The following TCN2 variants were observed in gnomAD, a reference collection of about 807,000 sequenced individuals.
The protein encoded by TCN2 is transcobalamin 2, also known as transcobalamin-2.
In TCN2, 34 loss-of-function variants were observed where a neutral mutation model predicts 48.6. The observed-to-expected ratio is 0.70, with a 90% confidence interval of 0.53 to 0.93. The LOEUF is 0.93. Ranked by LOEUF, TCN2 falls within the 40% of genes least tolerant of loss-of-function variation. The probability of loss-of-function intolerance (pLI) is 0.00; values close to 1 mark genes in which losing one functional copy is unlikely to be tolerated. For missense variants in TCN2, 652 were observed against 526.1 expected (o/e 1.24, Z -2.34); for synonymous variants, 283 against 212.5 (o/e 1.33, Z -2.89).
chr22:30,626,064 G>A (rs2087804136), intron 8 of TCN2, among the ~76,000 whole-genome samples: 1 of 152,266 alleles, frequency 6.6e-6, no homozygotes, highest in South Asian at 2.1e-4. Flanking sequence ...AGTAATGAAT[G>A]ACAGAGCTGG....
At position 30,618,893 on chromosome 22, in the gene TCN2, C is replaced by T. The variant is rs190242709; in HGVS notation, c.1106+1398C>T. Among the ~76,000 whole-genome samples, 184 of 152,228 alleles carry T rather than the reference C, an allele frequency of 1.2e-3. 1 individual carries two copies. The highest frequency in any genetic ancestry group is 4.0e-3 in the African/African-American group (166 of 41,550). ...CAAGCGATTCTCCTTCCTCAGTCTC[C>T]CGAGTAGCTGGGACTATGGGCATGC... is the stretch of plus-strand genomic sequence containing the variant. On this transcript the variant is annotated intron_variant, in intron 7 of 8. Coordinates refer to ENST00000215838, the MANE Select transcript of TCN2 (RefSeq NM_000355.4).
rs1555896274 is a variant in TCN2 at position 30,623,921 on chromosome 22, T to TATGTATACATATATACACACACAC, written c.1222+840_1222+841insGTATACATATATACACACACACAT. 5.0e-3 allele frequency among the ~76,000 whole-genome samples: 117 copies of TATGTATACATATATACACACACAC among 23,360 alleles called. 35 individuals carry two copies. Among genetic ancestry groups the TATGTATACATATATACACACACAC allele is most frequent in the Middle Eastern group, 0.029 (2 of 70 alleles). 15.3% of individuals were successfully genotyped at this position (23,360 alleles called of 152,430 possible). ...ATGTATACATATATATACACACATATATATGTATACATATATACACACACA... is the reference window on the plus strand; with the variant it reads ...ATGTATACATATATATACACACATATATGTATACATATATACACACACACATATGTATACATATATACACACACA... On this transcript the variant is annotated intron_variant, in intron 8 of 8. Transcript: ENST00000215838.
In TCN2 at chr22:30,615,350, C is replaced by T. The variant is rs1178324711; in HGVS notation, c.630C>T (p.Asn210=). ...CATTCACCTGTCTGAAGCGCTCAAACTTCAACCCTGGTCGGAGACAACGGA... is the reference window on the plus strand; with the variant it reads ...CATTCACCTGTCTGAAGCGCTCAAATTTCAACCCTGGTCGGAGACAACGGA... ...GLAFTCLKRS[N]FNPGRRQRIT... Residue 210 remains asparagine (N), a synonymous_variant, in exon 5 of 9, where the codon AAC becomes AAT. Coordinates refer to ENST00000215838, the MANE Select transcript of TCN2 (RefSeq NM_000355.4). 5 of 1,614,212 alleles carry T rather than the reference C, an allele frequency of 3.1e-6. No individual in the cohort carries two copies. Among genetic ancestry groups the T allele is most frequent in the East Asian group, 2.2e-5 (1 of 44,876 alleles).
chr22:30,617,687 C>CTG, intron 7 of TCN2, 192 bp downstream of exon 7: 1 of 748,972 alleles, frequency 1.3e-6, no homozygotes, highest in South Asian at 1.7e-5. Context: ...AGCATTGTCA[C>CTG]TGAGAGAGCA....
intron 3 of TCN2, 58 bp from the exon 4 acceptor site, chr22:30,614,291 C>G: frequency 2.5e-6 from 4 of 1,591,520 alleles, no homozygotes; most frequent in Non-Finnish European, 3.4e-6. Context: ...CAGGTGCTGG[C>G]GGGGCTGGCT....
At position 30,620,180 on chromosome 22, in the gene TCN2, G is replaced by A. The variant is rs556233577; in HGVS notation, c.1106+2685G>A. On this transcript the variant is annotated intron_variant, in intron 7 of 8. Transcript: ENST00000215838. ...TTTTAAAAGACAAAGGGCTGAGTGT[G>A]ATGGCTAACACCTGTAATCCCAGCA... is the stretch of plus-strand genomic sequence containing the variant. Among the ~76,000 whole-genome samples, 8 of 151,726 alleles carry A rather than the reference G, an allele frequency of 5.3e-5. No individual in the cohort carries two copies. The East Asian group carries it at 1.6e-3, about 29-fold the overall frequency.
intron 4 of TCN2, 68 bp downstream of exon 4, chr22:30,614,569 C>A (rs5997703): frequency 3.1e-6 from 5 of 1,600,038 alleles, no homozygotes; most frequent in Middle Eastern, 3.7e-4. Flanking sequence ...CACTGATGAC[C>A]TCCATACCCT....
intron 1 of TCN2, 27 bp downstream of exon 1, chr22:30,607,422 C>A: frequency 6.2e-7 from 1 of 1,613,602 alleles, no homozygotes; most frequent in Non-Finnish European, 8.5e-7. Context: ...TATCCTGTGC[C>A]TCTTTCCTCC....
chr22:30,611,918 C>T (rs1454943855), intron 2 of TCN2, among the ~76,000 whole-genome samples: 1 of 151,834 alleles, frequency 6.6e-6, no homozygotes, highest in Non-Finnish European at 1.5e-5. Context: ...CTCAGACTCC[C>T]TCTTGAGAAG....
At chr22:30,617,305 G>A (rs1456586034) in intron 6 of TCN2, 25 bp from the exon 7 acceptor site, 55 of 1,614,026 alleles carry the variant, frequency 3.4e-5, no homozygotes, top group Non-Finnish European at 4.5e-5. Flanking sequence ...CACACCAGCT[G>A]CCCGCCCCTT....
chr22:30,620,843 C>G (rs1199300494), intron 7 of TCN2, among the ~76,000 whole-genome samples: 2 of 152,130 alleles, frequency 1.3e-5, no homozygotes, highest in Admixed American at 6.5e-5. Flanking sequence ...AGAGAAAGCT[C>G]AACTGCAGAC....
chr22:30,611,457 G>C (rs1287499443), intron 2 of TCN2, among the ~76,000 whole-genome samples: 1 of 152,188 alleles, frequency 6.6e-6, no homozygotes, highest in Admixed American at 6.5e-5. Context: ...CCCCTCCCAT[G>C]CATGAGGCAG....
chr22:30,610,010 C>T (rs1385594509), intron 1 of TCN2, among the ~76,000 whole-genome samples: 1 of 152,178 alleles, frequency 6.6e-6, no homozygotes, highest in East Asian at 1.9e-4. Context: ...AGGCAGTAAA[C>T]AGGGACCGAA....
intron 8 of TCN2, among the ~76,000 whole-genome samples, chr22:30,623,469 C>T (rs565128323): frequency 2.0e-5 from 3 of 152,026 alleles, no homozygotes; most frequent in South Asian, 2.1e-4. Flanking sequence ...TCTTCCACCT[C>T]AGCCTTCCTA....
At position 30,615,895 on chromosome 22, in the gene TCN2, A is replaced by T. The variant is rs4820021; in HGVS notation, c.940+108A>T. The T allele has an allele frequency of 0.88, 1,232,933 of 1,400,176 alleles. 545,447 individuals are homozygous for T. The highest frequency in any genetic ancestry group is 0.98 in the African/African-American group (69,421 of 70,886). The allele number at this position is 1,400,176 out of a possible 1,614,324, so 86.7% of individuals were successfully genotyped here. ...TCCTGATTTGCTGAGTCAGCACAAG[A>T]TTGTGGGTGTGCATGGGACACAGCA... On this transcript the variant is annotated intron_variant, in intron 6 of 8. Transcript: ENST00000215838.
rs1410673132 is a variant in TCN2 at position 30,607,404 on chromosome 22, C to T, written c.64+9C>T. On this transcript the variant is annotated intron_variant, in intron 1 of 8. Coordinates refer to ENST00000215838, the MANE Select transcript of TCN2 (RefSeq NM_000355.4). ...CCTCACTGAGATGTGTGGTGAGTAA[C>T]TCGCCTCTATCCTGTGCCTCTTTCC... is the stretch of plus-strand genomic sequence containing the variant. 1.9e-6 allele frequency: 3 copies of T among 1,614,206 alleles called. No individual in the cohort carries two copies. The highest frequency in any genetic ancestry group is 2.5e-6 in the Non-Finnish European group (3 of 1,180,032).
At position 30,626,834 on chromosome 22, in the gene TCN2, A is replaced by ACGGAGTC. The variant is rs1555896733; in HGVS notation, c.*316_*322dup. On this transcript the variant is annotated 3_prime_UTR_variant, in exon 9 of 9. Transcript: ENST00000215838. ...AGCATCTCAGACTCCTTGGCAAAAA[A>ACGGAGTC]CGGAGTCCGCAGGCCGCAGGTGTTG... 4.1e-6 allele frequency: 2 copies of ACGGAGTC among 488,454 alleles called. No homozygotes were observed. Among genetic ancestry groups the ACGGAGTC allele is most frequent in the Admixed American group, 6.6e-5 (2 of 30,490 alleles). 30.3% of individuals were successfully genotyped at this position (488,454 alleles called of 1,614,324 possible).
chr22:30,623,040 G>A lies in TCN2; in HGVS notation c.1179G>A (p.Glu393=), dbSNP rs765993081. The A allele has an allele frequency of 6.2e-7, 1 of 1,614,024 alleles. No individual in the cohort carries two copies. Among genetic ancestry groups the A allele is most frequent in the South Asian group, 1.1e-5 (1 of 91,064 alleles). Residue 393 remains glutamate (E), a synonymous_variant, in exon 8 of 9, where the codon GAG becomes GAA. Transcript: ENST00000215838. Reference sequence around the variant, plus strand: ...TGGGGAAAGCGGCCGGAGAAAGGGAGTTCTGGCAGCTTCTCCGAGACCCCA... The same window carrying A: ...TGGGGAAAGCGGCCGGAGAAAGGGAATTCTGGCAGCTTCTCCGAGACCCCA... ...SVMGKAAGER[E]FWQLLRDPNT...
At chr22:30,616,464 G>A (rs936289138) in intron 6 of TCN2, among the ~76,000 whole-genome samples, 1 of 148,442 alleles carries the variant, frequency 6.7e-6, no homozygotes, top group African/African-American at 2.5e-5. Flanking sequence ...CTCCAGTCTG[G>A]GTGACAGAGT....
Sources: allele counts gnomAD v4.1 joint callset (sites outside exome capture counted in the v4.1 genomes callset), GRCh38; gene constraint gnomAD v4.1.1; transcripts MANE v1.5; gene names NCBI Gene and HGNC (gene_info 2026-07-23, HGNC 2026-07-21).